The following PTPRD variants were observed in gnomAD, a reference collection of about 807,000 sequenced individuals.
PTPRD encodes protein tyrosine phosphatase receptor type D.
Under a neutral mutation model 214.5 loss-of-function variants are expected in PTPRD, and 34 were observed. The ratio of observed to expected loss-of-function variants is 0.16; its 90% CI spans 0.12 to 0.21. The LOEUF (loss-of-function observed/expected upper bound fraction) is 0.21, where lower values mean the gene tolerates loss of function less well. Ranked by LOEUF, PTPRD falls within the 10% of genes least tolerant of loss-of-function variation. PTPRD has a pLI of 1.00. For missense variants in PTPRD, 2,545 were observed against 2,398.7 expected, an observed-to-expected ratio of 1.06 and a Z score of -1.27; for synonymous variants, 1,128 against 845.7, an observed-to-expected ratio of 1.33 and a Z score of -5.79.
At chr9:9,541,031 G>A (rs182433588) in intron 8 of PTPRD, among the ~76,000 whole-genome samples, 1 of 151,636 alleles carries the variant, frequency 6.6e-6, no homozygotes, top group Admixed American at 6.6e-5. Context: ...CAAATACCTC[G>A]TTCTAGGAGC....
intron 4 of PTPRD, among the ~76,000 whole-genome samples, chr9:9,955,155 A>G (rs2093797550): frequency 6.6e-6 from 1 of 152,186 alleles, no homozygotes; most frequent in Non-Finnish European, 1.5e-5. Flanking sequence ...CCTCTTAAGT[A>G]AGCACTGTCA....
rs1166530719 is a variant in PTPRD, at chr9:8,439,935, A to ATTTTTTTTTTTTT, written c.3989-3259_3989-3247dup. On this transcript the variant is annotated intron_variant, in intron 34 of 45. Transcript: ENST00000381196. Reference sequence around the variant, plus strand: ...CATTTAAATTACTTGATGTGCTTTAATTTTTTTTTTTTTTTTTTTTTTTTT... The same window carrying ATTTTTTTTTTTTT: ...CATTTAAATTACTTGATGTGCTTTAATTTTTTTTTTTTTTTTTTTTTTTTTTTTTTTTTTTTTT... Among the ~76,000 whole-genome samples the ATTTTTTTTTTTTT allele has an allele frequency of 3.7e-3, 269 of 73,298 alleles. 10 individuals are homozygous for ATTTTTTTTTTTTT. Among genetic ancestry groups the ATTTTTTTTTTTTT allele is most frequent in the Non-Finnish European group, 5.5e-3 (221 of 40,496 alleles). 48.1% of individuals were successfully genotyped at this position (73,298 alleles called of 152,430 possible). A position where few individuals can be genotyped will look rare whatever the true frequency, so the allele number is the denominator to read the frequency against.
chr9:10,181,248 T>C (rs925025595), intron 3 of PTPRD, among the ~76,000 whole-genome samples: 3 of 152,080 alleles, frequency 2.0e-5, no homozygotes, highest in African/African-American at 7.2e-5. Context: ...AACCAGAAAA[T>C]GTAAGATATC....
intron 11 of PTPRD, among the ~76,000 whole-genome samples, chr9:8,868,325 A>G (rs1376161921): frequency 6.6e-6 from 1 of 152,118 alleles, no homozygotes; most frequent in Non-Finnish European, 1.5e-5. Context: ...CAGCCTCCCG[A>G]GTAGCTGGGA....
At chr9:8,668,759 T>C (rs777050856) in intron 12 of PTPRD, among the ~76,000 whole-genome samples, 6 of 152,194 alleles carry the variant, frequency 3.9e-5, no homozygotes, top group Non-Finnish European at 5.9e-5. Flanking sequence ...ATCTTTACTA[T>C]AATAGAATTC....
intron 9 of PTPRD, among the ~76,000 whole-genome samples, chr9:9,223,176 G>C (rs1381481117): frequency 6.6e-6 from 1 of 151,928 alleles, no homozygotes; most frequent in Non-Finnish European, 1.5e-5. Flanking sequence ...AGATATTTTT[G>C]GAAGGGCCCA....
chr9:8,721,197 G>A (rs191148635), intron 12 of PTPRD, among the ~76,000 whole-genome samples: 17 of 152,146 alleles, frequency 1.1e-4, no homozygotes, highest in Non-Finnish European at 1.5e-4. Flanking sequence ...GGGAAGCCGA[G>A]GCAGGGGGAT....
chr9:10,091,102 G>C (rs993321312), intron 3 of PTPRD, among the ~76,000 whole-genome samples: 1 of 150,832 alleles, frequency 6.6e-6, no homozygotes, highest in African/African-American at 2.4e-5. Context: ...CTTCTTAACA[G>C]GAAAAAATTA....
intron 9 of PTPRD, among the ~76,000 whole-genome samples, chr9:9,265,761 A>G (rs1433400406): frequency 6.6e-6 from 1 of 151,396 alleles, no homozygotes; most frequent in African/African-American, 2.4e-5. Context: ...ACAAAAAATT[A>G]TCTAATCAAA....
intron 7 of PTPRD, among the ~76,000 whole-genome samples, chr9:9,615,292 G>A (rs2094790048): frequency 6.6e-6 from 1 of 152,062 alleles, no homozygotes; most frequent in Non-Finnish European, 1.5e-5. Flanking sequence ...CCAGCACCTG[G>A]ACTACCTTGC....
At chr9:9,519,869 A>G (rs1416562157) in intron 8 of PTPRD, among the ~76,000 whole-genome samples, 1 of 152,100 alleles carries the variant, frequency 6.6e-6, no homozygotes, top group Non-Finnish European at 1.5e-5. Context: ...ATTTATGAGG[A>G]AACAGAAAGG....
At chr9:9,762,895 C>T (rs1388455487) in intron 6 of PTPRD, among the ~76,000 whole-genome samples, 1 of 152,132 alleles carries the variant, frequency 6.6e-6, no homozygotes, top group Non-Finnish European at 1.5e-5. Flanking sequence ...AAATTTCTTT[C>T]TCACATTTCT....
intron 33 of PTPRD, among the ~76,000 whole-genome samples, chr9:8,457,282 C>T (rs975440225): frequency 1.3e-5 from 2 of 152,090 alleles, no homozygotes; most frequent in Admixed American, 6.6e-5. Context: ...CAGTACTTGG[C>T]CGAACGTTGC....
At chr9:8,993,625 T>C (rs1244953461) in intron 11 of PTPRD, among the ~76,000 whole-genome samples, 3 of 152,106 alleles carry the variant, frequency 2.0e-5, no homozygotes, top group East Asian at 3.9e-4. Context: ...GATGATTATA[T>C]TTTTCCTGAG....
intron 10 of PTPRD, among the ~76,000 whole-genome samples, chr9:9,038,659 C>G (rs1361257934): frequency 6.7e-6 from 1 of 148,746 alleles, no homozygotes; most frequent in African/African-American, 2.5e-5. Context: ...GGTTCAAGTG[C>G]TTCTCCTGAC....
chr9:8,669,491 T>C (rs1310296574), intron 12 of PTPRD, among the ~76,000 whole-genome samples: 5 of 151,936 alleles, frequency 3.3e-5, no homozygotes, highest in Non-Finnish European at 7.4e-5. Flanking sequence ...AGAGTTTGGG[T>C]TGGGGGCTGG....
intron 2 of PTPRD, among the ~76,000 whole-genome samples, chr9:10,513,510 G>A (rs925947944): frequency 6.6e-6 from 1 of 152,120 alleles, no homozygotes; most frequent in Non-Finnish European, 1.5e-5. Context: ...CAAGCATACA[G>A]GAAATAAGGA....
intron 11 of PTPRD, among the ~76,000 whole-genome samples, chr9:8,781,215 G>T (rs769571092): frequency 1.3e-5 from 2 of 152,170 alleles, no homozygotes; most frequent in Non-Finnish European, 2.9e-5. Flanking sequence ...TCGGCAGGGG[G>T]CAATCAGCTG....
chr9:8,810,271 C>T (rs927187553), intron 11 of PTPRD, among the ~76,000 whole-genome samples: 3 of 152,098 alleles, frequency 2.0e-5, no homozygotes, highest in Admixed American at 1.3e-4. Context: ...AATCCTGTGG[C>T]GATATAAACA....
Sources: gnomAD v4.1 joint callset for allele counts (sites outside exome capture counted in the v4.1 genomes callset) on GRCh38, gnomAD v4.1.1 for gene constraint, MANE v1.5 for transcripts, NCBI Gene and HGNC (gene_info 2026-07-23, HGNC 2026-07-21) for gene names.